The following ZNF711 variants were observed in gnomAD, a reference collection of about 807,000 sequenced individuals.
The protein encoded by ZNF711 is ZFX family zinc finger ZNF711.
Under a neutral mutation model 43.5 loss-of-function variants are expected in ZNF711, and 3 were observed. The ratio of observed to expected loss-of-function variants is 0.07; its 90% CI spans 0.03 to 0.18. The LOEUF is 0.18. ZNF711 is among the 10% of genes least tolerant of loss of function. The pLI, the probability that ZNF711 is intolerant of heterozygous loss-of-function variation, is 1.00. For missense variants in ZNF711, 412 were observed against 604.0 expected (o/e 0.68, Z 3.33); for synonymous variants, 209 against 207.7 (o/e 1.01, Z -0.06).
intron 5 of ZNF711, among the ~76,000 whole-genome samples, chrX:85,259,597 G>A (rs749435063): frequency 2.3e-4 from 25 of 110,778 alleles, no homozygotes; most frequent in East Asian, 8.5e-4. Context: ...AGTACTCCTC[G>A]TAGAGGTTTT....
chrX:85,245,526 A>G (rs1395492209), intron 1 of ZNF711, among the ~76,000 whole-genome samples: 1 of 112,663 alleles, frequency 8.9e-6, no homozygotes, highest in Non-Finnish European at 1.9e-5. Flanking sequence ...TAGTTGCACT[A>G]TGTGTTGTAA....
At chrX:85,261,515 G>C (rs1021770167) in intron 5 of ZNF711, among the ~76,000 whole-genome samples, 9 of 111,044 alleles carry the variant, frequency 8.1e-5, no homozygotes, top group African/African-American at 2.9e-4. Flanking sequence ...TGGTATATCA[G>C]TATACTGTAT....
intron 5 of ZNF711, among the ~76,000 whole-genome samples, chrX:85,259,050 T>G (rs1930411897): frequency 9.0e-6 from 1 of 111,329 alleles, no homozygotes; most frequent in African/African-American, 3.3e-5. Context: ...GGTTTTATCT[T>G]TAAACTTTGG....
At chrX:85,260,615 C>A (rs886288445) in intron 5 of ZNF711, among the ~76,000 whole-genome samples, 12 of 106,102 alleles carry the variant, frequency 1.1e-4, no homozygotes, top group African/African-American at 3.0e-4. Flanking sequence ...GCCCCCCCCC[C>A]ATCCACTCTG....
intron 5 of ZNF711, among the ~76,000 whole-genome samples, chrX:85,262,751 A>G (rs917377849): frequency 4.5e-5 from 5 of 110,745 alleles, no homozygotes; most frequent in Non-Finnish European, 9.5e-5. Flanking sequence ...GAAGTAGGAT[A>G]GAATCATTTG....
At position 85,247,532 on chromosome X, in the gene ZNF711, C is replaced by T. The variant is rs768559994; in HGVS notation, c.-26-15C>T. ...TAAATATATTAAACTATTTTAAAAG[C>T]CATTTCTTTTGCAGATATTGGTGAA... is the stretch of plus-strand genomic sequence containing the variant. On this transcript the variant is annotated splice_polypyrimidine_tract_variant and intron_variant, in intron 3 of 10. Transcript: ENST00000674551. 2.7e-6 allele frequency: 3 copies of T among 1,095,544 alleles called. No homozygotes were observed. In the African/African-American group the frequency reaches 5.5e-5, roughly 20 times the overall value. The allele number at this position is 1,095,544 out of a possible 1,213,427, so 90.3% of individuals were successfully genotyped here.
rs1221968919 is a variant in ZNF711 at position 85,271,288 on chromosome X, T to C, written c.1884T>C (p.Asp628=). 2.5e-6 allele frequency: 3 copies of C among 1,208,623 alleles called. No homozygotes were observed. Among genetic ancestry groups the C allele is most frequent in the Non-Finnish European group, 3.4e-6 (3 of 894,670 alleles). ...GDERELQRHL[D]LFQGHKTHQC... is the part of the protein sequence containing the mutation. ...AGAGGGAGCTTCAACGCCATCTGGA[T>C]TTGTTTCAAGGACATAAGACACACC... Residue 628 remains aspartate, a synonymous_variant, in exon 11 of 11, where the codon GAT becomes GAC. Transcript: ENST00000674551.
chrX:85,264,178 C>T, intron 5 of ZNF711, 97 bp from the exon 6 acceptor site: 1 of 660,734 alleles, frequency 1.5e-6, no homozygotes, highest in Non-Finnish European at 2.4e-6. Context: ...CGTTACACTT[C>T]AGCTTAACAC....
At chrX:85,266,429 G>A (rs1931098917) in intron 7 of ZNF711, among the ~76,000 whole-genome samples, 1 of 111,293 alleles carries the variant, frequency 9.0e-6, no homozygotes, top group Admixed American at 9.6e-5. Context: ...AATTCTATGG[G>A]AATGTGGGAA....
chrX:85,257,692 G>A (rs1461453004), intron 5 of ZNF711, among the ~76,000 whole-genome samples: 2 of 112,567 alleles, frequency 1.8e-5, no homozygotes, highest in Non-Finnish European at 3.8e-5. Flanking sequence ...TACCCAGAGT[G>A]GGACTGCTGA....
chrX:85,270,608 A>C (rs1402268399), intron 10 of ZNF711, 43 bp from the exon 11 acceptor site: 4 of 1,126,870 alleles, frequency 3.5e-6, no homozygotes, highest in African/African-American at 1.8e-5. Context: ...ATCCTTTAAA[A>C]CAGTCTGACC....
At chrX:85,268,962 G>A (rs983257555) in intron 9 of ZNF711, among the ~76,000 whole-genome samples, 1 of 111,547 alleles carries the variant, frequency 9.0e-6, no homozygotes, top group Non-Finnish European at 1.9e-5. Context: ...ATAGATCACA[G>A]CATGTAAGTT....
Position 85,269,559 on chromosome X carries a change from T to C in ZNF711, c.1103-444T>C, listed in dbSNP as rs1283095514. 2.2e-4 allele frequency among the ~76,000 whole-genome samples: 24 copies of C among 109,278 alleles called. No homozygotes were observed. The Admixed American group carries it at 2.3e-3, about 11-fold the overall frequency. The allele number at this position is 109,278 out of a possible 115,157, so 94.9% of individuals were successfully genotyped here. A position where few individuals can be genotyped will look rare whatever the true frequency, so the allele number is the denominator to read the frequency against. ...CCATGCCTGACCAATTTGTTTTTTG[T>C]AGAGACAGGATCTTATTATGTTGCC... On this transcript the variant is annotated intron_variant, in intron 9 of 10. Transcript: ENST00000674551.
intron 5 of ZNF711, among the ~76,000 whole-genome samples, chrX:85,263,023 A>G (rs1172521035): frequency 9.1e-6 from 1 of 110,311 alleles, no homozygotes; most frequent in Non-Finnish European, 1.9e-5. Flanking sequence ...AGGGGCTTCA[A>G]AATTTGATGT....
intron 1 of ZNF711, among the ~76,000 whole-genome samples, chrX:85,245,478 T>C (rs1298611868): frequency 2.7e-5 from 3 of 112,581 alleles, no homozygotes; most frequent in African/African-American, 9.7e-5. Context: ...TACTCCGGTT[T>C]ATTTATTTGG....
At chrX:85,256,659 A>G (rs17325047) in intron 5 of ZNF711, among the ~76,000 whole-genome samples, 11,041 of 110,898 alleles carry the variant, frequency 0.1, 539 homozygotes, top group South Asian at 0.18. Flanking sequence ...ATGTGTGTAT[A>G]AAGTGATCGT....
rs1931450299 is a variant in ZNF711, at chrX:85,270,134, C to A, written c.1234C>A (p.Gln412Lys). The change falls in exon 10 of 11, where the codon CAG (glutamine) becomes AAG (lysine). Residue 412 changes from glutamine (Q) to lysine (K), a missense_variant. Gln to Lys is a moderately conservative substitution (Grantham distance 53). Transcript: ENST00000674551. Reference sequence around the variant, plus strand: ...AAAGAGGAGAAGGGGAGAAACCAGGCAGTGGCAAACAGGTAAATACTTTGC... The same window carrying A: ...AAAGAGGAGAAGGGGAGAAACCAGGAAGTGGCAAACAGGTAAATACTTTGC... ...AKKRRRGETR[Q>K]WQTAVIIGPD... 1 of 1,206,767 alleles carries A rather than the reference C, an allele frequency of 8.3e-7. No individual in the cohort carries two copies. The highest frequency in any genetic ancestry group is 1.8e-5 in the African/African-American group (1 of 56,908).
chrX:85,257,287 C>T (rs1427475167), intron 5 of ZNF711, among the ~76,000 whole-genome samples: 2 of 110,827 alleles, frequency 1.8e-5, no homozygotes, highest in African/African-American at 3.3e-5. Flanking sequence ...GAGCATAGTA[C>T]CCAACAGTTA....
At chrX:85,260,862 T>A (rs940568804) in intron 5 of ZNF711, among the ~76,000 whole-genome samples, 5 of 111,190 alleles carry the variant, frequency 4.5e-5, no homozygotes, top group African/African-American at 1.6e-4. Flanking sequence ...AACTTTCAGC[T>A]TACCAAAAAC....
Sources: allele counts gnomAD v4.1 joint callset (sites outside exome capture counted in the v4.1 genomes callset), GRCh38; gene constraint gnomAD v4.1.1; transcripts MANE v1.5; gene names NCBI Gene and HGNC (gene_info 2026-07-23, HGNC 2026-07-21).